Variants in HEMK2 observed in about 807,000 individuals in gnomAD.
HEMK2 encodes methyltransferase HEMK2.
At chr21:28,621,503 A>G in the HEMK2 span, among the ~76,000 whole-genome samples, 3 of 152,306 alleles carry the variant, frequency 2.0e-5, no homozygotes, top group African/African-American at 7.2e-5. Flanking sequence ...ACCACCAAAC[A>G]GGCTTTGTGT....
the HEMK2 span, among the ~76,000 whole-genome samples, chr21:28,767,469 G>A: frequency 1.7e-4 from 26 of 151,626 alleles, no homozygotes; most frequent in Admixed American, 7.2e-4. Flanking sequence ...TGAGACTACA[G>A]AGCACTGACC....
chr21:28,626,894 T>C, the HEMK2 span, among the ~76,000 whole-genome samples: 38 of 147,166 alleles, frequency 2.6e-4, no homozygotes, highest in East Asian at 7.3e-3. Context: ...AAGTATTTAA[T>C]TAAAAAAATA....
At chr21:28,850,995 T>C in the HEMK2 span, among the ~76,000 whole-genome samples, 1 of 110,942 alleles carries the variant, frequency 9.0e-6, no homozygotes, top group Non-Finnish European at 1.8e-5. Context: ...ACCACTTCCA[T>C]CTGATAACGG....
At chr21:28,807,027 A>C in the HEMK2 span, among the ~76,000 whole-genome samples, 2 of 152,152 alleles carry the variant, frequency 1.3e-5, no homozygotes, top group Non-Finnish European at 2.9e-5. Context: ...GCACAACTAA[A>C]CTGAGGTTCC....
At chr21:28,855,010 T>C in the HEMK2 span, among the ~76,000 whole-genome samples, 1 of 152,172 alleles carries the variant, frequency 6.6e-6, no homozygotes, top group African/African-American at 2.4e-5. Context: ...AATTCACACA[T>C]ACCAACACCA....
At chr21:28,830,607 G>A in the HEMK2 span, among the ~76,000 whole-genome samples, 9 of 152,292 alleles carry the variant, frequency 5.9e-5, no homozygotes, top group East Asian at 7.7e-4. Flanking sequence ...GGCCAGGCGC[G>A]TGGCTCACGC....
At chr21:28,800,486 G>A in the HEMK2 span, among the ~76,000 whole-genome samples, 81 of 152,074 alleles carry the variant, frequency 5.3e-4, no homozygotes, top group Non-Finnish European at 9.9e-4. Context: ...TATTAAAAGT[G>A]TAACTGTAAA....
At chr21:28,848,090 C>T in the HEMK2 span, among the ~76,000 whole-genome samples, 1 of 152,254 alleles carries the variant, frequency 6.6e-6, no homozygotes, top group South Asian at 2.1e-4. Context: ...CTTAGGATTG[C>T]TTTGGCTATT....
chr21:28,737,298 T>C, the HEMK2 span, among the ~76,000 whole-genome samples: 1 of 152,164 alleles, frequency 6.6e-6, no homozygotes, highest in Non-Finnish European at 1.5e-5. Context: ...GTAAGTTTTG[T>C]ATTTTTAGTA....
chr21:28,779,493 G>T, the HEMK2 span, among the ~76,000 whole-genome samples: 1 of 152,072 alleles, frequency 6.6e-6, no homozygotes, highest in African/African-American at 2.4e-5. Context: ...TTGATCAAAG[G>T]GTATAAAGCT....
the HEMK2 span, among the ~76,000 whole-genome samples, chr21:28,681,205 C>T: frequency 3.3e-5 from 5 of 152,142 alleles, no homozygotes; most frequent in African/African-American, 9.7e-5. Flanking sequence ...TCAGCAAAGT[C>T]TCAGGATACA....
the HEMK2 span, among the ~76,000 whole-genome samples, chr21:28,642,990 G>A: frequency 3.3e-5 from 5 of 152,246 alleles, no homozygotes; most frequent in East Asian, 9.7e-4. Flanking sequence ...GGTAAGGGTG[G>A]GGTTTAGCCG....
At chr21:28,864,958 T>C in the HEMK2 span, among the ~76,000 whole-genome samples, 1 of 127,476 alleles carries the variant, frequency 7.8e-6, no homozygotes, top group South Asian at 2.6e-4. Context: ...TAGATACAGG[T>C]ATTCAATCAG....
chr21:28,780,710 T>A, the HEMK2 span, among the ~76,000 whole-genome samples: 1 of 152,266 alleles, frequency 6.6e-6, no homozygotes, highest in African/African-American at 2.4e-5. Flanking sequence ...CCAATGTCTA[T>A]GAAATAAAGT....
At chr21:28,877,172 AAG>A in the HEMK2 span, among the ~76,000 whole-genome samples, 2 of 134,032 alleles carry the variant, frequency 1.5e-5, no homozygotes, top group African/African-American at 5.5e-5. Flanking sequence ...GAAAGAAAGA[AAG>A]AAAGAGAGGG....
At chr21:28,783,760 C>G in the HEMK2 span, among the ~76,000 whole-genome samples, 6 of 152,090 alleles carry the variant, frequency 3.9e-5, no homozygotes, top group South Asian at 1.2e-3. Flanking sequence ...GTAGAGGGAG[C>G]AGCGCGGGCA....
chr21:28,826,457 T>G, the HEMK2 span, among the ~76,000 whole-genome samples: 4 of 152,326 alleles, frequency 2.6e-5, no homozygotes, highest in Admixed American at 1.3e-4. Context: ...AGATCCTTAG[T>G]GTCATTCCCA....
the HEMK2 span, among the ~76,000 whole-genome samples, chr21:28,849,152 T>A: frequency 6.6e-6 from 1 of 152,034 alleles, no homozygotes; most frequent in Non-Finnish European, 1.5e-5. Context: ...TACAGAAGGT[T>A]CCTAACTTTG....
At chr21:28,869,647 GCTGA>G in the HEMK2 span, among the ~76,000 whole-genome samples, 1 of 152,078 alleles carries the variant, frequency 6.6e-6, no homozygotes, top group African/African-American at 2.4e-5. Context: ...CCATATCCAC[GCTGA>G]CTTAGAGGTT....
Sources: gnomAD v4.1 joint callset for allele counts (sites outside exome capture counted in the v4.1 genomes callset) on GRCh38, gnomAD v4.1.1 for gene constraint, MANE v1.5 for transcripts, NCBI Gene and HGNC (gene_info 2026-07-23, HGNC 2026-07-21) for gene names.